The following LRTM3 variants were observed in gnomAD, a reference collection of about 807,000 sequenced individuals.
LRTM3 encodes the protein leucine rich repeat transmembrane protein 3, also known as leucine-rich repeat transmembrane protein 3.
At chr13:102,743,737 A>G in the LRTM3 span, 17 of 1,549,906 alleles carry the variant, frequency 1.1e-5, no homozygotes, top group African/African-American at 2.7e-5. Flanking sequence ...ATTTCTTCCT[A>G]TGTTTTCTGG....
the LRTM3 span, chr13:102,743,905 A>C: frequency 3.2e-6 from 5 of 1,550,678 alleles, no homozygotes; most frequent in Non-Finnish European, 4.4e-6. Flanking sequence ...AATCTAAAAG[A>C]CCCAAGAAAA....
At chr13:102,739,378 T>C in the LRTM3 span, 3 of 1,550,310 alleles carry the variant, frequency 1.9e-6, no homozygotes, top group Non-Finnish European at 2.6e-6. Context: ...CTCTATTAAT[T>C]GACTCTGCAG....
chr13:102,737,113 T>TA, the LRTM3 span: 3 of 1,551,178 alleles, frequency 1.9e-6, no homozygotes, highest in Non-Finnish European at 2.6e-6. Context: ...TATGTGGAAG[T>TA]GATAATTGCT....
At chr13:102,732,005 C>A in the LRTM3 span, 1 of 1,551,280 alleles carries the variant, frequency 6.4e-7, no homozygotes, top group African/African-American at 1.4e-5. Flanking sequence ...ATTCATTTCA[C>A]TTCTGAGGTT....
At chr13:102,742,356 G>T in the LRTM3 span, 1 of 1,547,712 alleles carries the variant, frequency 6.5e-7, no homozygotes, top group Non-Finnish European at 8.7e-7. Context: ...ATGATTTTAG[G>T]AGAAATAGAT....
the LRTM3 span, chr13:102,731,757 G>A: frequency 6.4e-7 from 1 of 1,551,192 alleles, no homozygotes; most frequent in East Asian, 2.4e-5. Context: ...ACAGTTCCTG[G>A]GAAAGCTTTT....
the LRTM3 span, chr13:102,741,468 C>A: frequency 4.5e-6 from 7 of 1,549,698 alleles, no homozygotes; most frequent in Non-Finnish European, 6.1e-6. Flanking sequence ...ACAAATATAT[C>A]AGTTTCCTTT....
the LRTM3 span, chr13:102,742,612 A>G: frequency 1.3e-6 from 2 of 1,550,586 alleles, no homozygotes; most frequent in Non-Finnish European, 1.7e-6. Flanking sequence ...TCTGGGCTTT[A>G]AAGTTCTGTT....
At chr13:102,753,252 C>G in the LRTM3 span, among the ~76,000 whole-genome samples, 1 of 152,050 alleles carries the variant, frequency 6.6e-6, no homozygotes, top group Non-Finnish European at 1.5e-5. Context: ...GTTCTCACTC[C>G]TAAGTGGGAG....
At chr13:102,747,119 G>T in the LRTM3 span, 2 of 1,550,820 alleles carry the variant, frequency 1.3e-6, no homozygotes, top group Non-Finnish European at 1.7e-6. Context: ...AGCATCTAGT[G>T]TGTTTTGGGA....
At chr13:102,758,861 T>A in the LRTM3 span, 1 of 1,550,258 alleles carries the variant, frequency 6.5e-7, no homozygotes, top group Non-Finnish European at 8.7e-7. Context: ...GAAAGTCCCA[T>A]AATGTCATGA....
At chr13:102,732,681 C>T in the LRTM3 span, 3 of 1,551,142 alleles carry the variant, frequency 1.9e-6, no homozygotes, top group Non-Finnish European at 2.6e-6. Context: ...TGCGGGTGTG[C>T]ACTACTGCTT....
chr13:102,750,278 G>A, the LRTM3 span: 1 of 1,550,434 alleles, frequency 6.4e-7, no homozygotes, highest in East Asian at 2.4e-5. Context: ...ACTTTCACTA[G>A]TACCTGACCA....
chr13:102,730,353 C>T, the LRTM3 span: 4 of 1,551,038 alleles, frequency 2.6e-6, no homozygotes, highest in African/African-American at 4.1e-5. Context: ...GAACACTCGT[C>T]CAAGTCAGCT....
At chr13:102,734,782 A>G in the LRTM3 span, 1 of 1,551,176 alleles carries the variant, frequency 6.4e-7, no homozygotes, top group South Asian at 1.2e-5. Context: ...GCAATGAAGT[A>G]GATTTGGTCA....
the LRTM3 span, among the ~76,000 whole-genome samples, chr13:102,755,957 A>ATT: frequency 4.8e-4 from 22 of 45,900 alleles, 1 homozygote; most frequent in African/African-American, 9.6e-4. Context: ...ATATATATAT[A>ATT]TATATTTTTT....
chr13:102,740,033 C>T, the LRTM3 span: 1 of 1,550,220 alleles, frequency 6.5e-7, no homozygotes, highest in Non-Finnish European at 8.7e-7. Context: ...ATCCTTCTGT[C>T]CTTTACTTTC....
chr13:102,734,357 G>T, the LRTM3 span: 16 of 1,551,336 alleles, frequency 1.0e-5, no homozygotes, highest in Non-Finnish European at 1.3e-5. Flanking sequence ...TTCTTCATCT[G>T]CATGCGTAGC....
At chr13:102,746,756 C>A in the LRTM3 span, 2 of 1,551,136 alleles carry the variant, frequency 1.3e-6, no homozygotes, top group South Asian at 2.4e-5. Context: ...AAAACAGTAA[C>A]CCATTTCTCT....
Sources: allele counts gnomAD v4.1 joint callset (sites outside exome capture counted in the v4.1 genomes callset), GRCh38; gene constraint gnomAD v4.1.1; transcripts MANE v1.5; gene names NCBI Gene and HGNC (gene_info 2026-07-23, HGNC 2026-07-21).